The following TRIM55 variants were observed in gnomAD, a reference collection of about 807,000 sequenced individuals.
TRIM55 encodes the protein tripartite motif-containing protein 55.
In TRIM55, 50 loss-of-function variants were observed where a neutral mutation model predicts 60.9. The ratio of observed to expected loss-of-function variants is 0.82; its 90% CI spans 0.65 to 1.04. The LOEUF (loss-of-function observed/expected upper bound fraction) is 1.04. Among genes scored for constraint, TRIM55 ranks in the 50% least tolerant of loss-of-function variants. The probability of loss-of-function intolerance (pLI) is 0.00; values close to 1 mark genes in which losing one functional copy is unlikely to be tolerated. For missense variants in TRIM55, 681 were observed against 666.9 expected, an observed-to-expected ratio of 1.02 and a Z score of -0.23; for synonymous variants, 237 against 238.1, an observed-to-expected ratio of 1.00 and a Z score of 0.04.
chr8:66,134,866 G>T, intron 2 of TRIM55, 124 bp from the exon 3 acceptor site: 1 of 1,037,714 alleles, frequency 9.6e-7, no homozygotes, highest in East Asian at 2.6e-5. Context: ...GGGGTCTTCT[G>T]GAATAGAATT....
At chr8:66,165,387 T>C (rs1273335499) in intron 9 of TRIM55, among the ~76,000 whole-genome samples, 1 of 152,122 alleles carries the variant, frequency 6.6e-6, no homozygotes, top group African/African-American at 2.4e-5. Context: ...AAGCTGCTTT[T>C]CTGAGGAAGA....
At chr8:66,157,611 C>G (rs531217585) in intron 9 of TRIM55, among the ~76,000 whole-genome samples, 13 of 152,304 alleles carry the variant, frequency 8.5e-5, no homozygotes, top group African/African-American at 3.1e-4. Context: ...GGTCCCGTGT[C>G]AGAGTAATGC....
Position 66,154,177 on chromosome 8 carries a change from A to G in TRIM55, c.1367A>G (p.Asn456Ser). The change falls in exon 9 of 10, where the codon AAC becomes AGC. Residue 456 changes from asparagine to serine, a missense_variant. Physicochemically the swap from Asn to Ser is conservative, Grantham distance 46. Coordinates refer to ENST00000315962, the MANE Select transcript of TRIM55 (RefSeq NM_184085.2). The stretch of plus-strand genomic sequence containing the variant: ...GGCCAAACCCGGAAAGCCACCACCA[A>G]CCCACCTTGCACCCCAGGGAGCGAA... ...YKGQTRKATT[N>S]PPCTPGSEGL... The G allele has an allele frequency of 1.2e-6, 2 of 1,613,902 alleles. No individual in the cohort carries two copies. The highest frequency in any genetic ancestry group is 1.7e-6 in the Non-Finnish European group (2 of 1,179,976).
At chr8:66,118,168 C>CAAAAAAAAA in the TRIM55 span, among the ~76,000 whole-genome samples, 144 of 39,882 alleles carry the variant, frequency 3.6e-3, no homozygotes, top group African/African-American at 6.1e-3. Context: ...GACTCCGTCT[C>CAAAAAAAAA]AAAAAAAAAA....
chr8:66,158,738 T>A (rs1448338682), intron 9 of TRIM55, among the ~76,000 whole-genome samples: 3 of 152,164 alleles, frequency 2.0e-5, no homozygotes, highest in Non-Finnish European at 2.9e-5. Context: ...AGTTAGAGAG[T>A]CCATTGCATT....
At chr8:66,117,959 G>T in the TRIM55 span, among the ~76,000 whole-genome samples, 2 of 151,696 alleles carry the variant, frequency 1.3e-5, no homozygotes, top group Admixed American at 6.6e-5. Flanking sequence ...GAGATCAGGA[G>T]ATCGAGCCCA....
At chr8:66,114,083 C>CA in the TRIM55 span, among the ~76,000 whole-genome samples, 34 of 18,660 alleles carry the variant, frequency 1.8e-3, no homozygotes, top group Non-Finnish European at 6.3e-3. Context: ...AGGAGAGACA[C>CA]CCCCCCCCCC....
intron 9 of TRIM55, among the ~76,000 whole-genome samples, chr8:66,164,111 G>A (rs1005841071): frequency 6.6e-6 from 1 of 151,992 alleles, no homozygotes; most frequent in Admixed American, 6.6e-5. Context: ...CATCTTCCAA[G>A]GTAACTTTAA....
intron 4 of TRIM55, among the ~76,000 whole-genome samples, chr8:66,139,298 C>T (rs1376539938): frequency 6.6e-6 from 1 of 152,160 alleles, no homozygotes. Context: ...AACAGGCTTT[C>T]TGTCTGGGAT....
chr8:66,114,225 A>G, the TRIM55 span, among the ~76,000 whole-genome samples: 1 of 152,130 alleles, frequency 6.6e-6, no homozygotes, highest in Non-Finnish European at 1.5e-5. Flanking sequence ...CTCGCTTAGC[A>G]TGCGAGAGGT....
chr8:66,114,889 G>C, the TRIM55 span: 6 of 294,298 alleles, frequency 2.0e-5, no homozygotes. Flanking sequence ...CCAGCGCTGA[G>C]AGAGAATTAA....
At position 66,154,245 on chromosome 8, in the gene TRIM55, G is replaced by A; in HGVS notation, c.1435G>A (p.Val479Ile). 1 of 1,614,182 alleles carries A rather than the reference G, an allele frequency of 6.2e-7. No homozygotes were observed. The highest frequency in any genetic ancestry group is 1.1e-5 in the South Asian group (1 of 91,078). Reference protein sequence around the residue: ...IGPPGSEDSNVRKAEVAAAAA... With the variant: ...IGPPGSEDSNIRKAEVAAAAA... ...GCCTCCAGGTTCTGAGGATTCGAAT[G>A]TACGGAAGGCAGAAGTGGCAGCAGC... The change falls in exon 9 of 10, where the codon GTA (valine) becomes ATA (isoleucine). Residue 479 changes from valine (V) to isoleucine (I), a missense_variant. Physicochemically the swap from Val to Ile is conservative, Grantham distance 29. Coordinates refer to ENST00000315962, the MANE Select transcript of TRIM55 (RefSeq NM_184085.2).
chr8:66,128,258 G>T, intron 1 of TRIM55, 46 bp from the exon 2 acceptor site: 1 of 1,515,396 alleles, frequency 6.6e-7, no homozygotes, highest in Admixed American at 2.2e-5. Context: ...CAGAGAAGCT[G>T]CTTGTGGCAT....
chr8:66,130,358 C>G (rs1210681059), intron 2 of TRIM55, among the ~76,000 whole-genome samples: 1 of 152,148 alleles, frequency 6.6e-6, no homozygotes, highest in Non-Finnish European at 1.5e-5. Flanking sequence ...TTGAGACTTT[C>G]CTGTGGGACA....
chr8:66,161,947 T>C (rs1276616966), intron 9 of TRIM55, among the ~76,000 whole-genome samples: 3 of 152,018 alleles, frequency 2.0e-5, no homozygotes, highest in Admixed American at 6.6e-5. Flanking sequence ...TGTAGATATA[T>C]GATCCTATCA....
At chr8:66,163,786 G>A (rs1370930063) in intron 9 of TRIM55, among the ~76,000 whole-genome samples, 3 of 152,210 alleles carry the variant, frequency 2.0e-5, no homozygotes, top group East Asian at 3.8e-4. Flanking sequence ...TGTCAATTAA[G>A]GCAGTTGGTT....
rs1302283107 is a variant in TRIM55, at chr8:66,152,276, C to T, written c.986-101C>T. ...TCAAGTGTCTGTCAGAGAAAAACTC[C>T]CCAGCCTTGACCTTAACTAGGGCTA... is the stretch of plus-strand genomic sequence containing the variant. On this transcript the variant is annotated intron_variant, in intron 7 of 9. Coordinates refer to ENST00000315962, the MANE Select transcript of TRIM55 (RefSeq NM_184085.2). 5 of 1,452,024 alleles carry T rather than the reference C, an allele frequency of 3.4e-6. No homozygotes were observed. In the Admixed American group the frequency reaches 8.0e-5, roughly 23 times the overall value. The allele number at this position is 1,452,024 out of a possible 1,614,324, so 89.9% of individuals were successfully genotyped here.
At chr8:66,170,372 A>G (rs1241211109) in intron 9 of TRIM55, among the ~76,000 whole-genome samples, 9 of 152,204 alleles carry the variant, frequency 5.9e-5, no homozygotes, top group Non-Finnish European at 1.3e-4. Flanking sequence ...CACTTAGCAT[A>G]AGGTCCTCAA....
intron 2 of TRIM55, among the ~76,000 whole-genome samples, chr8:66,134,294 G>A (rs2038486862): frequency 6.6e-6 from 1 of 152,208 alleles, no homozygotes. Flanking sequence ...TCAGTCATTA[G>A]ATAGGATATA....
Sources: allele counts gnomAD v4.1 joint callset (sites outside exome capture counted in the v4.1 genomes callset), GRCh38; gene constraint gnomAD v4.1.1; transcripts MANE v1.5; gene names NCBI Gene and HGNC (gene_info 2026-07-23, HGNC 2026-07-21).